SGCD: variants seen among roughly 807,000 people sequenced by gnomAD.
SGCD encodes the protein sarcoglycan delta.
A neutral mutation model predicts 36.6 loss-of-function variants in SGCD; 18 were observed. That is an observed-to-expected ratio of 0.49 (90% confidence interval 0.34 to 0.73). The LOEUF is 0.73. SGCD is among the 30% of genes least tolerant of loss of function. The pLI is 0.01. For missense variants in SGCD, 387 were observed against 346.7 expected (o/e 1.12, Z -0.92); for synonymous variants, 133 against 130.6 (o/e 1.02, Z -0.12).
intron 1 of SGCD, among the ~76,000 whole-genome samples, chr5:156,116,279 T>C (rs1761903379): frequency 6.6e-6 from 1 of 152,118 alleles, no homozygotes; most frequent in African/African-American, 2.4e-5. Context: ...TCTGCAGTGT[T>C]TTGATCATTT....
chr5:156,147,379 A>G (rs1762728833), intron 3 of SGCD, among the ~76,000 whole-genome samples: 1 of 152,206 alleles, frequency 6.6e-6, no homozygotes. Flanking sequence ...GTTTTACATA[A>G]CTGTCATATC....
At chr5:156,387,450 T>TTGCTATATAATTGCTAATTGCTATATATA (rs1347005340) in intron 3 of SGCD, among the ~76,000 whole-genome samples, 1 of 152,208 alleles carries the variant, frequency 6.6e-6, no homozygotes, top group Non-Finnish European at 1.5e-5. Context: ...GCTATACAAA[T>TTGCTATATAATTGCTAATTGCTATATATA]ATGTCATTTC....
At chr5:155,950,157 C>A (rs945458432) in intron 1 of SGCD, among the ~76,000 whole-genome samples, 3 of 152,168 alleles carry the variant, frequency 2.0e-5, no homozygotes, top group Non-Finnish European at 4.4e-5. Context: ...GACACAGCTT[C>A]ATCCAGGACA....
intron 3 of SGCD, among the ~76,000 whole-genome samples, chr5:156,368,433 T>C (rs546033591): frequency 6.6e-6 from 1 of 152,336 alleles, no homozygotes. Flanking sequence ...TATTATTTTC[T>C]ATCTTATGAC....
chr5:155,942,326 G>GTATCTATCTATCTATC (rs200508490), intron 1 of SGCD, among the ~76,000 whole-genome samples: 5,564 of 110,960 alleles, frequency 0.05, 143 homozygotes, highest in East Asian at 0.093. Flanking sequence ...ATGTATGTAT[G>GTATCTATCTATCTATC]TATGTATGTA....
chr5:156,655,828 G>A (rs1465321235), intron 7 of SGCD, among the ~76,000 whole-genome samples: 1 of 150,868 alleles, frequency 6.6e-6, no homozygotes, highest in African/African-American at 2.4e-5. Context: ...TTTCCCTCCT[G>A]AAGTCTATAT....
chr5:156,266,550 A>G (rs979118111), intron 3 of SGCD, among the ~76,000 whole-genome samples: 1 of 152,182 alleles, frequency 6.6e-6, no homozygotes, highest in South Asian at 2.1e-4. Flanking sequence ...TAGCCTGATC[A>G]TAGCTCACTG....
chr5:155,755,027 A>T, the SGCD span, among the ~76,000 whole-genome samples: 386 of 152,282 alleles, frequency 2.5e-3, 3 homozygotes, highest in African/African-American at 7.8e-3. Context: ...GCCACCTCTG[A>T]ACTGTGATAA....
At chr5:156,124,988 C>T (rs1210453144) in intron 3 of SGCD, among the ~76,000 whole-genome samples, 2 of 152,130 alleles carry the variant, frequency 1.3e-5, no homozygotes, top group Admixed American at 6.6e-5. Flanking sequence ...CTCATTCCCA[C>T]ACTTAGTAGA....
chr5:156,756,085 CT>C (rs1392397491), intron 7 of SGCD, among the ~76,000 whole-genome samples: 2 of 152,144 alleles, frequency 1.3e-5, no homozygotes, highest in African/African-American at 4.8e-5. Context: ...AATGAGGTTC[CT>C]TTTTAACATG....
chr5:156,285,843 G>T (rs1326955415), intron 3 of SGCD, among the ~76,000 whole-genome samples: 1 of 152,092 alleles, frequency 6.6e-6, no homozygotes, highest in East Asian at 1.9e-4. Context: ...TTAAACTAAA[G>T]AGCTTCTGCA....
chr5:155,751,169 T>C, the SGCD span, among the ~76,000 whole-genome samples: 1 of 152,228 alleles, frequency 6.6e-6, no homozygotes, highest in Non-Finnish European at 1.5e-5. Flanking sequence ...GCATTTATTT[T>C]CAAGTATGAT....
At chr5:156,351,769 G>A (rs1240112192) in intron 3 of SGCD, among the ~76,000 whole-genome samples, 1 of 152,054 alleles carries the variant, frequency 6.6e-6, no homozygotes, top group Non-Finnish European at 1.5e-5. Context: ...GGGAGGGAGT[G>A]GCTCAATAAC....
intron 1 of SGCD, among the ~76,000 whole-genome samples, chr5:156,083,925 A>G (rs920076242): frequency 2.0e-5 from 3 of 151,462 alleles, no homozygotes; most frequent in African/African-American, 4.9e-5. Flanking sequence ...GTGTGGATCT[A>G]TTTCTAGGTC....
intron 3 of SGCD, among the ~76,000 whole-genome samples, chr5:156,300,976 C>T (rs1392922109): frequency 6.6e-6 from 1 of 151,932 alleles, no homozygotes; most frequent in Non-Finnish European, 1.5e-5. Flanking sequence ...TTCCATCCCT[C>T]TGTTTTCAAT....
chr5:156,153,977 A>G lies in SGCD; in HGVS notation c.-44+29958A>G, dbSNP rs533275727. The stretch of plus-strand genomic sequence containing the variant: ...TTTTGCACACGACATGTTACCTGGA[A>G]TCTTTATAAAAGATGTACTGTTGCC... On this transcript the variant is annotated intron_variant, in intron 3 of 9. Coordinates refer to the SGCD transcript ENST00000517913. Among the ~76,000 whole-genome samples, 118 of 151,730 alleles carry G rather than the reference A, an allele frequency of 7.8e-4. 4 individuals carry two copies. Among genetic ancestry groups the G allele is most frequent in the African/African-American group, 2.8e-3 (114 of 41,048 alleles).
At chr5:155,939,799 A>C (rs1757287100) in intron 1 of SGCD, among the ~76,000 whole-genome samples, 1 of 151,236 alleles carries the variant, frequency 6.6e-6, no homozygotes, top group South Asian at 2.1e-4. Flanking sequence ...AGAGACTCTT[A>C]TTACATTTAT....
intron 3 of SGCD, among the ~76,000 whole-genome samples, chr5:156,424,767 C>T (rs1005439166): frequency 6.6e-6 from 1 of 151,968 alleles, no homozygotes; most frequent in African/African-American, 2.4e-5. Context: ...GCACAATCAG[C>T]AGAGGAAAAA....
At chr5:156,499,020 A>G (rs1756330710) in intron 3 of SGCD, among the ~76,000 whole-genome samples, 2 of 146,746 alleles carry the variant, frequency 1.4e-5, no homozygotes, top group Non-Finnish European at 3.0e-5. Context: ...GCAATCTGCA[A>G]CTCTTCTTGC....
Sources: gnomAD v4.1 joint callset for allele counts (sites outside exome capture counted in the v4.1 genomes callset) on GRCh38, gnomAD v4.1.1 for gene constraint, MANE v1.5 for transcripts, NCBI Gene and HGNC (gene_info 2026-07-23, HGNC 2026-07-21) for gene names.